The following RNF216 variants were observed in gnomAD, a reference collection of about 807,000 sequenced individuals.
RNF216 encodes E3 ubiquitin-protein ligase RNF216.
Under a neutral mutation model 110.8 loss-of-function variants are expected in RNF216, and 72 were observed. The ratio of observed to expected loss-of-function variants is 0.65; its 90% CI spans 0.54 to 0.79. The LOEUF is 0.79. Among genes scored for constraint, RNF216 ranks in the 30% least tolerant of loss-of-function variants. The pLI is 0.00. For synonymous variants in RNF216, 495 were observed against 407.5 expected, an observed-to-expected ratio of 1.21 and a Z score of -2.59; for missense variants, 1,342 against 1,141.2, an observed-to-expected ratio of 1.18 and a Z score of -2.54.
At chr7:5,742,115 C>T (rs1344370114) in intron 3 of RNF216, among the ~76,000 whole-genome samples, 1 of 152,150 alleles carries the variant, frequency 6.6e-6, no homozygotes, top group African/African-American at 2.4e-5. Flanking sequence ...GGTGCGATCT[C>T]GGCTCACTGC....
At chr7:5,724,564 G>A (rs918500749) in intron 8 of RNF216, among the ~76,000 whole-genome samples, 40 of 152,214 alleles carry the variant, frequency 2.6e-4, no homozygotes, top group African/African-American at 9.6e-4. Flanking sequence ...CAGAGCCACT[G>A]CTCCACAGAC....
At chr7:5,755,809 T>C (rs571999058) in intron 2 of RNF216, among the ~76,000 whole-genome samples, 1 of 152,180 alleles carries the variant, frequency 6.6e-6, no homozygotes, top group Non-Finnish European at 1.5e-5. Flanking sequence ...ATTCTAGGAG[T>C]GGAAATGCTG....
intron 1 of RNF216, chr7:5,777,555 T>C (rs76343407): frequency 0.078 from 11,836 of 152,184 alleles, 554 homozygotes; most frequent in East Asian, 0.12. Context: ...TGTATGTCAC[T>C]GGCCATCAGG....
rs73338056 is a variant in RNF216 at position 5,646,207 on chromosome 7, T to G, written c.2160-4831A>C. Among the ~76,000 whole-genome samples the G allele has an allele frequency of 6.0e-3, 907 of 152,228 alleles. 9 individuals are homozygous for G. Among genetic ancestry groups the G allele is most frequent in the African/African-American group, 0.021 (855 of 41,534 alleles). On this transcript the variant is annotated intron_variant, in intron 14 of 16. Transcript: ENST00000389902. ...GAGATTGTTTAGTGACTTTTAAAAA[T>G]TATTTTTGTAAATTAGCCGGGCATG... is the stretch of plus-strand genomic sequence containing the variant.
intron 15 of RNF216, among the ~76,000 whole-genome samples, chr7:5,638,101 A>G (rs1359370169): frequency 6.6e-6 from 1 of 152,094 alleles, no homozygotes; most frequent in Admixed American, 6.5e-5. Flanking sequence ...AGACGTCTGG[A>G]TGCTCCATCC....
intron 15 of RNF216, among the ~76,000 whole-genome samples, chr7:5,636,448 T>C (rs1288461269): frequency 6.6e-6 from 1 of 152,176 alleles, no homozygotes; most frequent in Non-Finnish European, 1.5e-5. Context: ...CAATCCCTAG[T>C]CATTAAGGAT....
chr7:5,708,327 G>C lies in RNF216; in HGVS notation c.2061+3434C>G, dbSNP rs1461933193. 9.2e-5 allele frequency among the ~76,000 whole-genome samples: 14 copies of C among 152,234 alleles called. No individual in the cohort carries two copies. The South Asian group carries it at 2.5e-3, about 27-fold the overall frequency. On this transcript the variant is annotated intron_variant, in intron 13 of 16. Transcript: ENST00000389902. Reference sequence around the variant, plus strand: ...GGTGCTAACAATGATTGAAAGTGAGGTATTGCAATCTCCTACTATTTTTGT... The same window carrying C: ...GGTGCTAACAATGATTGAAAGTGAGCTATTGCAATCTCCTACTATTTTTGT...
chr7:5,728,288 C>A (rs1562436176), intron 7 of RNF216, among the ~76,000 whole-genome samples: 1 of 151,110 alleles, frequency 6.6e-6, no homozygotes, highest in African/African-American at 2.4e-5. Context: ...TTCTTTCAGT[C>A]TTTTTTTTTG....
intron 5 of RNF216, among the ~76,000 whole-genome samples, chr7:5,737,861 GAGC>G (rs780639560): frequency 1.7e-4 from 26 of 152,184 alleles, no homozygotes; most frequent in Admixed American, 7.2e-4. Context: ...AGGTGGAGGT[GAGC>G]AGATCATGAG....
At chr7:5,691,514 G>A (rs1245915757) in intron 13 of RNF216, among the ~76,000 whole-genome samples, 1 of 152,220 alleles carries the variant, frequency 6.6e-6, no homozygotes, top group Admixed American at 6.5e-5. Flanking sequence ...CAGTGCTGGT[G>A]TGTGTAGAAG....
chr7:5,768,644 T>G (rs76638665), intron 1 of RNF216, among the ~76,000 whole-genome samples: 2 of 150,340 alleles, frequency 1.3e-5, no homozygotes, highest in African/African-American at 2.4e-5. Context: ...AATTCTGAAA[T>G]GTGAGAAATG....
At chr7:5,652,158 G>C (rs1439166792) in intron 14 of RNF216, among the ~76,000 whole-genome samples, 1 of 152,244 alleles carries the variant, frequency 6.6e-6, no homozygotes, top group South Asian at 2.1e-4. Flanking sequence ...TAGAAAATAA[G>C]GAAAAGGGGG....
chr7:5,748,319 G>A (rs996277337), intron 3 of RNF216, among the ~76,000 whole-genome samples: 2 of 152,134 alleles, frequency 1.3e-5, no homozygotes, highest in Admixed American at 6.6e-5. Context: ...CTCTACCCCA[G>A]GGAAGCTCTG....
At chr7:5,629,256 C>T (rs571092495) in intron 15 of RNF216, among the ~76,000 whole-genome samples, 2 of 149,622 alleles carry the variant, frequency 1.3e-5, no homozygotes, top group Admixed American at 1.3e-4. Flanking sequence ...GCAGCAGGAT[C>T]GCTTGAGGCC....
intron 13 of RNF216, among the ~76,000 whole-genome samples, chr7:5,689,722 G>A (rs2128612174): frequency 6.6e-6 from 1 of 152,240 alleles, no homozygotes; most frequent in South Asian, 2.1e-4. Flanking sequence ...GGGAGGCCGA[G>A]GCAGGTGGAT....
intron 3 of RNF216, among the ~76,000 whole-genome samples, chr7:5,743,639 T>C (rs767598541): frequency 6.6e-5 from 10 of 152,240 alleles, no homozygotes; most frequent in Admixed American, 5.9e-4. Context: ...TCTAAAAGTA[T>C]GTATATGTAC....
At position 5,729,350 on chromosome 7, in the gene RNF216, C is replaced by T. The variant is rs1430973576; in HGVS notation, c.1389+82G>A. On this transcript the variant is annotated intron_variant, in intron 7 of 16. Transcript: ENST00000389902. ...AGCAATCATAAACCATCCCAATTTC[C>T]ACAAGCTGAACTGTTCATTCTGTTA... 4.7e-5 allele frequency: 66 copies of T among 1,398,422 alleles called. No homozygotes were observed. In the East Asian group the frequency reaches 1.5e-3, roughly 32 times the overall value. 86.6% of individuals were successfully genotyped at this position (1,398,422 alleles called of 1,614,324 possible).
chr7:5,772,008 T>C (rs1419594273), intron 1 of RNF216, among the ~76,000 whole-genome samples: 1 of 151,794 alleles, frequency 6.6e-6, no homozygotes, highest in Non-Finnish European at 1.5e-5. Context: ...CCGAGGCGGG[T>C]GGATCACCTG....
intron 1 of RNF216, among the ~76,000 whole-genome samples, chr7:5,762,333 G>T (rs909949607): frequency 6.6e-6 from 1 of 151,830 alleles, no homozygotes; most frequent in African/African-American, 2.4e-5. Context: ...GACCAGCCTG[G>T]CCAACATGGT....
Sources: allele counts gnomAD v4.1 joint callset (sites outside exome capture counted in the v4.1 genomes callset), GRCh38; gene constraint gnomAD v4.1.1; transcripts MANE v1.5; gene names NCBI Gene and HGNC (gene_info 2026-07-23, HGNC 2026-07-21).